The following SAMD8 variants were observed in gnomAD, a reference collection of about 807,000 sequenced individuals.
SAMD8 encodes sterile alpha motif domain containing 8, also known as sphingomyelin synthase-related protein 1.
In SAMD8, 20 loss-of-function variants were observed where a neutral mutation model predicts 42.0. The observed-to-expected ratio is 0.48, with a 90% CI of 0.34 to 0.69. The LOEUF (loss-of-function observed/expected upper bound fraction) is 0.69. SAMD8 is among the 30% of genes least tolerant of loss of function. The probability of loss-of-function intolerance (pLI) is 0.01; values close to 1 mark genes in which losing one functional copy is unlikely to be tolerated. For synonymous variants in SAMD8, 162 were observed against 173.0 expected (o/e 0.94, Z 0.50); for missense variants, 328 against 511.6 (o/e 0.64, Z 3.46).
chr10:75,144,780 C>T (rs1259518827), intron 1 of SAMD8, among the ~76,000 whole-genome samples: 1 of 152,070 alleles, frequency 6.6e-6, no homozygotes, highest in Non-Finnish European at 1.5e-5. Flanking sequence ...GCCTGAGCCT[C>T]TGAGTAGCTG....
intron 1 of SAMD8, among the ~76,000 whole-genome samples, chr10:75,126,776 C>T (rs1285511923): frequency 1.3e-5 from 2 of 151,010 alleles, no homozygotes; most frequent in South Asian, 4.3e-4. Flanking sequence ...GCTGAGATTA[C>T]AGGCCTGAGC....
At chr10:75,164,579 ACTGAAAAGGGTGG>A in intron 2 of SAMD8, 53 bp from the exon 3 acceptor site, 2 of 1,561,490 alleles carry the variant, frequency 1.3e-6, no homozygotes, top group Non-Finnish European at 1.8e-6. Flanking sequence ...AGAGCACCTT[ACTGAAAAGGGTGG>A]CATCATTCAC....
chr10:75,135,754 A>C (rs1005398534), intron 1 of SAMD8, among the ~76,000 whole-genome samples: 2 of 151,926 alleles, frequency 1.3e-5, no homozygotes, highest in African/African-American at 4.8e-5. Flanking sequence ...TGAACCTGGG[A>C]GGCAGAGCTT....
At chr10:75,119,938 C>T (rs1042260796) in intron 1 of SAMD8, among the ~76,000 whole-genome samples, 1 of 152,010 alleles carries the variant, frequency 6.6e-6, no homozygotes, top group Admixed American at 6.6e-5. Flanking sequence ...CGTGGTGGCG[C>T]GCATCTGTAA....
At position 75,111,664 on chromosome 10, in the gene SAMD8, A is replaced by G; in HGVS notation, c.-74A>G. 1.6e-6 allele frequency: 2 copies of G among 1,239,846 alleles called. No homozygotes were observed. The highest frequency in any genetic ancestry group is 1.0e-6 in the Non-Finnish European group (1 of 992,228). The allele number at this position is 1,239,846 out of a possible 1,614,324, so 76.8% of individuals were successfully genotyped here. A position where few individuals can be genotyped will look rare whatever the true frequency, so the allele number is the denominator to read the frequency against. ...GAGGCGGGGAGGGCCCCGGACTCCG[A>G]CGGCGGCTCGGACGCCGACTCGGAG... is the stretch of plus-strand genomic sequence containing the variant. On this transcript the variant is annotated 5_prime_UTR_variant, in exon 1 of 6. Transcript: ENST00000542569.
intron 1 of SAMD8, among the ~76,000 whole-genome samples, chr10:75,132,319 A>G (rs1220813273): frequency 6.6e-6 from 1 of 152,202 alleles, no homozygotes; most frequent in African/African-American, 2.4e-5. Flanking sequence ...TCAGAATTAT[A>G]AAAGGATGTG....
At chr10:75,173,805 A>G (rs1013971442) in intron 4 of SAMD8, among the ~76,000 whole-genome samples, 8 of 152,094 alleles carry the variant, frequency 5.3e-5, no homozygotes, top group African/African-American at 1.9e-4. Flanking sequence ...GAGGTTGTTT[A>G]TTTTGGTCAT....
At chr10:75,125,261 G>C (rs987602832) in intron 1 of SAMD8, 6 of 152,206 alleles carry the variant, frequency 3.9e-5, no homozygotes, top group African/African-American at 1.4e-4. Context: ...GCCTTATGCA[G>C]CCTATTTGCT....
chr10:75,140,573 T>C (rs1178031752), intron 1 of SAMD8, among the ~76,000 whole-genome samples: 3 of 152,220 alleles, frequency 2.0e-5, no homozygotes, highest in Admixed American at 6.5e-5. Context: ...GACTGGGCTT[T>C]TCCTGGAGAA....
Position 75,181,488 on chromosome 10 carries a change from T to C in SAMD8, c.*4796T>C, listed in dbSNP as rs879719383. ...CTAAAATGTGACCAATTACTTTGCT[T>C]CAAGTTCTATACAAATATCTCTGAA... On this transcript the variant is annotated 3_prime_UTR_variant, in exon 6 of 6. Transcript: ENST00000542569. 3 of 152,238 alleles carry C rather than the reference T, an allele frequency of 2.0e-5. No individual in the cohort carries two copies. Among genetic ancestry groups the C allele is most frequent in the Non-Finnish European group, 2.9e-5 (2 of 68,034 alleles). 9.4% of individuals were successfully genotyped at this position (152,238 alleles called of 1,614,324 possible).
chr10:75,165,947 G>A lies in SAMD8; in HGVS notation c.674+1207G>A, dbSNP rs548476167. 9.6e-4 allele frequency among the ~76,000 whole-genome samples: 141 copies of A among 147,398 alleles called. 1 individual carries two copies. The highest frequency in any genetic ancestry group is 1.8e-3 in the Non-Finnish European group (123 of 67,334). ...GCTGTGATTGTGCCACTGCACTCCA[G>A]CGTGGGGTGACAGAGCCAGACCCTG... On this transcript the variant is annotated intron_variant, in intron 3 of 5. Coordinates refer to ENST00000542569, the MANE Select transcript of SAMD8 (RefSeq NM_001174156.2).
At chr10:75,109,010 C>A, upstream of SAMD8, 1 of 1,602,506 alleles carries the variant, frequency 6.2e-7, no homozygotes, top group Non-Finnish European at 8.5e-7. Flanking sequence ...ACCACTCACG[C>A]ATCTCCTATG....
chr10:75,150,662 T>C lies in SAMD8; in HGVS notation c.134T>C (p.Leu45Pro). The change falls in exon 2 of 6, where the codon CTA (leucine) becomes CCA (proline). Residue 45 changes from leucine (L) to proline (P), a missense_variant. Around this residue, in one of 2 missense-constraint regions of SAMD8, gnomAD observed 150 missense variants for 186.0 expected, o/e 0.81. Transcript: ENST00000542569. ...NKHRLDGITL[L>P]TLTEYDLRSP... ...CACCGACTTGATGGAATCACATTGCTAACATTGACTGAATATGATCTCCGG... is the reference window on the plus strand; with the variant it reads ...CACCGACTTGATGGAATCACATTGCCAACATTGACTGAATATGATCTCCGG... 6.2e-7 allele frequency: 1 copy of C among 1,614,192 alleles called. No individual in the cohort carries two copies. Among genetic ancestry groups the C allele is most frequent in the Non-Finnish European group, 8.5e-7 (1 of 1,180,030 alleles).
intron 1 of SAMD8, among the ~76,000 whole-genome samples, chr10:75,134,044 TC>T (rs1849330774): frequency 6.6e-6 from 1 of 152,164 alleles, no homozygotes; most frequent in Admixed American, 6.6e-5. Flanking sequence ...TGTGCATGCA[TC>T]TTTATAATAG....
chr10:75,155,982 G>A (rs748323871), intron 2 of SAMD8, among the ~76,000 whole-genome samples: 79 of 152,272 alleles, frequency 5.2e-4, no homozygotes, highest in African/African-American at 1.5e-3. Flanking sequence ...AGACCCAGGC[G>A]GGAGGATTGC....
chr10:75,111,460 C>A (rs374572802), upstream of SAMD8: 2 of 1,203,372 alleles, frequency 1.7e-6, no homozygotes, highest in Admixed American at 4.3e-5. Context: ...GGTAGAACCC[C>A]GTCCCCGGCC....
intron 1 of SAMD8, among the ~76,000 whole-genome samples, chr10:75,148,908 A>G (rs187178379): frequency 8.9e-4 from 135 of 152,298 alleles, no homozygotes; most frequent in African/African-American, 3.2e-3. Context: ...ATAGATCACA[A>G]TTATACAGCT....
At chr10:75,103,256 G>A (rs1042952217) in intron 1 of SAMD8, among the ~76,000 whole-genome samples, 1 of 152,232 alleles carries the variant, frequency 6.6e-6, no homozygotes, top group Non-Finnish European at 1.5e-5. Context: ...ACCCAGGTCC[G>A]GGGCCCTCAG....
upstream of SAMD8, chr10:75,108,238 C>A (rs745606507): frequency 6.4e-7 from 1 of 1,566,822 alleles, no homozygotes; most frequent in Non-Finnish European, 8.6e-7. Flanking sequence ...GCACTTGATG[C>A]CGGCCAAGCC....
Sources: gnomAD v4.1 joint callset for allele counts (sites outside exome capture counted in the v4.1 genomes callset) on GRCh38, gnomAD v4.1.1 for gene constraint, gnomAD v4.1.1 regional missense constraint, MANE v1.5 for transcripts, NCBI Gene and HGNC (gene_info 2026-07-23, HGNC 2026-07-21) for gene names.